The following ABCG5 variants were observed in gnomAD, a reference collection of about 807,000 sequenced individuals.
ABCG5 encodes ATP binding cassette subfamily G member 5, also known as ATP-binding cassette sub-family G member 5.
Under a neutral mutation model 64.5 loss-of-function variants are expected in ABCG5, and 64 were observed. The ratio of observed to expected loss-of-function variants is 0.99; its 90% CI spans 0.81 to 1.22. The LOEUF (loss-of-function observed/expected upper bound fraction) is 1.22, where lower values mean the gene tolerates loss of function less well. Among genes scored for constraint, ABCG5 ranks in the 50% most tolerant of loss-of-function variants. ABCG5 has a pLI of 0.00. For missense variants in ABCG5, 908 were observed against 829.5 expected, an observed-to-expected ratio of 1.09 and a Z score of -1.16; for synonymous variants, 385 against 326.3, an observed-to-expected ratio of 1.18 and a Z score of -1.94.
intron 6 of ABCG5, 139 bp from the exon 7 acceptor site, chr2:43,825,157 T>A (rs1488969846): frequency 2.9e-6 from 3 of 1,038,472 alleles, no homozygotes; most frequent in Non-Finnish European, 2.9e-6. Flanking sequence ...GCATTTCCCA[T>A]AAGCAGTCAG....
At chr2:43,822,643 G>A (rs1363819695) in intron 10 of ABCG5, 154 bp downstream of exon 10, 2 of 982,304 alleles carry the variant, frequency 2.0e-6, no homozygotes, top group Non-Finnish European at 2.4e-6. Context: ...TAAAATTAAT[G>A]TCCTGGAAGA....
intron 10 of ABCG5, among the ~76,000 whole-genome samples, chr2:43,821,127 G>A (rs1331327468): frequency 3.3e-5 from 5 of 151,908 alleles, no homozygotes; most frequent in Non-Finnish European, 7.4e-5. Flanking sequence ...TCTTATACTC[G>A]CCCCTCCTTA....
At chr2:43,834,434 C>T (rs977385736) in intron 2 of ABCG5, among the ~76,000 whole-genome samples, 13 of 152,202 alleles carry the variant, frequency 8.5e-5, no homozygotes, top group African/African-American at 2.7e-4. Flanking sequence ...CAAGTCACTT[C>T]CAGAGTTCTG....
intron 10 of ABCG5, among the ~76,000 whole-genome samples, chr2:43,820,801 G>A (rs752496842): frequency 1.3e-4 from 19 of 151,930 alleles, no homozygotes; most frequent in Admixed American, 2.6e-4. Context: ...TTACAGGTGC[G>A]CACCACCACA....
At position 43,813,260 on chromosome 2, in the gene ABCG5, T is replaced by C. The variant is rs1666576538; in HGVS notation, c.1812A>G (p.Gln604=). Residue 604 remains glutamine, a synonymous_variant, in exon 13 of 13, where the codon CAA becomes CAG. Coordinates refer to ENST00000405322, the MANE Select transcript of ABCG5 (RefSeq NM_022436.3). ...VTTNPMCAFT[Q]GIQFIEKTCP... ...AGGTTTTCTCAATGAATTGAATTCC[T>C]TGAGTGAAGGCACACATTGGATTAG... is the stretch of plus-strand genomic sequence containing the variant. 1.2e-6 allele frequency: 2 copies of C among 1,614,054 alleles called. No homozygotes were observed. The highest frequency in any genetic ancestry group is 1.7e-6 in the Non-Finnish European group (2 of 1,179,974).
intron 11 of ABCG5, 22 bp from the exon 12 acceptor site, chr2:43,814,611 A>C (rs1666699051): frequency 6.9e-7 from 1 of 1,453,684 alleles, no homozygotes; most frequent in Non-Finnish European, 9.7e-7. Context: ...GAAAACAAAA[A>C]TGAAATTCAG....
At chr2:43,839,088 C>T (rs760005338), upstream of ABCG5, 31 of 1,551,056 alleles carry the variant, frequency 2.0e-5, no homozygotes, top group Admixed American at 1.2e-4. Flanking sequence ...AGAGGGCTGC[C>T]GAAAGGGGCC....
At chr2:43,820,546 C>T (rs1284393487) in intron 10 of ABCG5, among the ~76,000 whole-genome samples, 1 of 152,174 alleles carries the variant, frequency 6.6e-6, no homozygotes, top group South Asian at 2.1e-4. Context: ...GGGATTATTG[C>T]CTACGTGAAA....
At chr2:43,835,632 A>G (rs1208647385) in intron 2 of ABCG5, among the ~76,000 whole-genome samples, 1 of 152,164 alleles carries the variant, frequency 6.6e-6, no homozygotes, top group East Asian at 1.9e-4. Flanking sequence ...CACACCCAAG[A>G]TTATGATATT....
intron 5 of ABCG5, 137 bp from the exon 6 acceptor site, chr2:43,826,658 C>G: frequency 7.3e-7 from 1 of 1,369,932 alleles, no homozygotes; most frequent in East Asian, 2.3e-5. Flanking sequence ...AACATGTAAA[C>G]TGGCTTTCAG....
intron 11 of ABCG5, among the ~76,000 whole-genome samples, chr2:43,816,733 GA>G (rs951415788): frequency 5.3e-5 from 8 of 151,906 alleles, no homozygotes; most frequent in South Asian, 2.1e-4. Flanking sequence ...TGTTAAATGG[GA>G]AAAAAAGTAT....
intron 2 of ABCG5, among the ~76,000 whole-genome samples, chr2:43,837,614 T>C (rs1323584029): frequency 6.6e-6 from 1 of 152,218 alleles, no homozygotes; most frequent in Non-Finnish European, 1.5e-5. Context: ...TTTTTATATT[T>C]TGAAATATGA....
chr2:43,817,899 G>A (rs1021906464), intron 11 of ABCG5, among the ~76,000 whole-genome samples: 13 of 151,700 alleles, frequency 8.6e-5, no homozygotes, highest in African/African-American at 2.9e-4. Flanking sequence ...GACAGAGCGC[G>A]ATTCCCTCTC....
intron 2 of ABCG5, among the ~76,000 whole-genome samples, chr2:43,837,321 A>G (rs902796311): frequency 6.6e-5 from 10 of 151,412 alleles, no homozygotes; most frequent in African/African-American, 2.4e-4. Context: ...GGGTCCCACT[A>G]TGTTGCTTAG....
At position 43,827,967 on chromosome 2, in the gene ABCG5, T is replaced by A. The variant is rs754532769; in HGVS notation, c.634+16A>T. ...TGCCCAGACAGCAGCTAGTAACAGT[T>A]CTGGGTGCCACTTACTAGGATCCTG... On this transcript the variant is annotated intron_variant, in intron 5 of 12. Coordinates refer to ENST00000405322, the MANE Select transcript of ABCG5 (RefSeq NM_022436.3). 5 of 1,613,674 alleles carry A rather than the reference T, an allele frequency of 3.1e-6. No homozygotes were observed. In the Admixed American group the frequency reaches 6.7e-5, roughly 22 times the overall value.
chr2:43,836,024 C>T (rs1668240752), intron 2 of ABCG5, among the ~76,000 whole-genome samples: 1 of 152,062 alleles, frequency 6.6e-6, no homozygotes, highest in Non-Finnish European at 1.5e-5. Flanking sequence ...ACAACCTCCA[C>T]CTCCCAGGTT....
At chr2:43,837,501 G>T (rs1438783935) in intron 2 of ABCG5, among the ~76,000 whole-genome samples, 1 of 152,082 alleles carries the variant, frequency 6.6e-6, no homozygotes, top group Admixed American at 6.5e-5. Flanking sequence ...GGCTTAATGG[G>T]CATTTTTGTG....
At position 43,838,529 on chromosome 2, in the gene ABCG5, T is replaced by C. The variant is rs1227317017; in HGVS notation, c.143+8A>G. 2 of 1,595,974 alleles carry C rather than the reference T, an allele frequency of 1.3e-6. No individual in the cohort carries two copies. Among genetic ancestry groups the C allele is most frequent in the Non-Finnish European group, 1.7e-6 (2 of 1,171,978 alleles). On this transcript the variant is annotated splice_region_variant and intron_variant, in intron 1 of 12. Transcript: ENST00000405322. This position sits in a 1 kb window ranked among gnomAD's most constrained non-coding sequence, Gnocchi z 4.2. The stretch of plus-strand genomic sequence containing the variant: ...GGGGGAGCAGCAGCAGCAAGGGCTC[T>C]GCCTTACCTGACGCTGTAGGAGGCA...
At chr2:43,838,840 G>A, upstream of ABCG5, 1 of 1,374,146 alleles carries the variant, frequency 7.3e-7, no homozygotes, top group Non-Finnish European at 1.0e-6. This position sits in a 1 kb window ranked among gnomAD's most constrained non-coding sequence, Gnocchi z 4.2. Context: ...ACCATTATCT[G>A]ATGTACCTTT....
Sources: gnomAD v4.1 joint callset for allele counts (sites outside exome capture counted in the v4.1 genomes callset) on GRCh38, gnomAD v4.1.1 for gene constraint, Gnocchi (gnomAD v3.1) non-coding constraint, MANE v1.5 for transcripts, NCBI Gene and HGNC (gene_info 2026-07-23, HGNC 2026-07-21) for gene names.